PNKD: variants seen among roughly 807,000 people sequenced by gnomAD.
PNKD encodes PNKD metallo-beta-lactamase domain containing.
In PNKD, 36 loss-of-function variants were observed where a neutral mutation model predicts 45.3. The ratio of observed to expected loss-of-function variants is 0.80; its 90% CI spans 0.61 to 1.05. PNKD has a LOEUF of 1.05. Ranked by LOEUF, PNKD falls within the 50% of genes least tolerant of loss-of-function variation. The probability of loss-of-function intolerance (pLI) is 0.00; values close to 1 mark genes in which losing one functional copy is unlikely to be tolerated. For missense variants in PNKD, 511 were observed against 506.6 expected, an observed-to-expected ratio of 1.01 and a Z score of -0.08; for synonymous variants, 197 against 210.1, an observed-to-expected ratio of 0.94 and a Z score of 0.54.
chr2:218,279,026 GCA>G (rs1691568431), intron 2 of PNKD: 5 of 1,614,062 alleles, frequency 3.1e-6, no homozygotes, highest in South Asian at 1.1e-5. Flanking sequence ...CCACAGAGGA[GCA>G]CACACTCACT....
chr2:218,286,932 C>G (rs568976379), intron 2 of PNKD: 19 of 152,218 alleles, frequency 1.2e-4, no homozygotes, highest in Admixed American at 9.8e-4. Context: ...CCAGATCTGA[C>G]GATTTGTTCC....
rs1694434562 is a variant in PNKD, at chr2:218,334,572, G to A, written c.237-5211G>A. 1.0e-5 allele frequency: 6 copies of A among 601,924 alleles called. No individual in the cohort carries two copies. The South Asian group carries it at 1.0e-4, about 10-fold the overall frequency. The allele number at this position is 601,924 out of a possible 1,614,324, so 37.3% of individuals were successfully genotyped here. A position where few individuals can be genotyped will look rare whatever the true frequency, so the allele number is the denominator to read the frequency against. On this transcript the variant is annotated intron_variant, in intron 2 of 9. Transcript: ENST00000273077. Reference sequence around the variant, plus strand: ...GGAGGCTGAGGCGGGAGGATCGCTTGAGCCCAGGACATTAAGGCTGCAGTG... The same window carrying A: ...GGAGGCTGAGGCGGGAGGATCGCTTAAGCCCAGGACATTAAGGCTGCAGTG...
chr2:218,283,246 C>A (rs1228279519), intron 2 of PNKD, among the ~76,000 whole-genome samples: 1 of 152,216 alleles, frequency 6.6e-6, no homozygotes, highest in Non-Finnish European at 1.5e-5. Context: ...ATGCTCACTT[C>A]AGATGAGAGA....
At chr2:218,308,477 G>A (rs989649114) in intron 2 of PNKD, among the ~76,000 whole-genome samples, 2 of 151,870 alleles carry the variant, frequency 1.3e-5, no homozygotes, top group South Asian at 2.1e-4. Flanking sequence ...ACGAGCCACC[G>A]TGCCCAGCCT....
chr2:218,341,700 T>C, intron 6 of PNKD, 74 bp downstream of exon 6: 1 of 1,159,712 alleles, frequency 8.6e-7, no homozygotes. Context: ...CAGTGAAGTG[T>C]TTCAGGGGTA....
intron 2 of PNKD, among the ~76,000 whole-genome samples, chr2:218,273,488 T>G (rs1690945352): frequency 6.7e-6 from 1 of 149,876 alleles, no homozygotes; most frequent in Non-Finnish European, 1.5e-5. Context: ...TATTTTTTTT[T>G]TTTTTTTTTG....
At chr2:218,278,049 G>A in intron 2 of PNKD, 1 of 1,556,898 alleles carries the variant, frequency 6.4e-7, no homozygotes, top group Admixed American at 1.8e-5. Context: ...GCAGAAGGAA[G>A]CGCTTGGCTC....
In PNKD at chr2:218,343,553, C is replaced by T. The variant is rs149643391; in HGVS notation, c.835C>T (p.Leu279=). The T allele has an allele frequency of 1.3e-4, 209 of 1,613,570 alleles. No individual in the cohort carries two copies. The African/African-American group carries it at 2.4e-3, about 18-fold the overall frequency. The change falls in exon 8 of 10, where the codon CTG becomes TTG. Residue 279 remains leucine, a synonymous_variant. Transcript: ENST00000273077. ...CATGCTGAGCTCACTGGACACTGTGCTGGGGCTAGGGGATGACACCCTTCT... is the reference window on the plus strand; with the variant it reads ...CATGCTGAGCTCACTGGACACTGTGTTGGGGCTAGGGGATGACACCCTTCT... ...ETMLSSLDTV[L]GLGDDTLLWP...
chr2:218,314,053 C>G (rs1255613248), intron 2 of PNKD, among the ~76,000 whole-genome samples: 1 of 151,514 alleles, frequency 6.6e-6, no homozygotes, highest in East Asian at 1.9e-4. Flanking sequence ...TCCTGAGTTG[C>G]TGGGATTACA....
At position 218,270,598 on chromosome 2, in the gene PNKD, C is replaced by G; in HGVS notation, c.63C>G (p.Leu21=). 3 of 1,048,288 alleles carry G rather than the reference C, an allele frequency of 2.9e-6. No homozygotes were observed. The highest frequency in any genetic ancestry group is 3.8e-6 in the Non-Finnish European group (3 of 793,390). The allele number at this position is 1,048,288 out of a possible 1,614,324, so 64.9% of individuals were successfully genotyped here. The part of the protein sequence containing the change: ...KGRGARNARV[L]RGILAGATAN... ...GGGGGGCGAGAAATGCCCGCGTCCTCCGGGGTAAGGAGAGGGACCCCGGGG... is the reference window on the plus strand; with the variant it reads ...GGGGGGCGAGAAATGCCCGCGTCCTGCGGGGTAAGGAGAGGGACCCCGGGG... Residue 21 remains leucine, a synonymous_variant, in exon 1 of 10, where the codon CTC becomes CTG. Transcript: ENST00000273077.
intron 2 of PNKD, among the ~76,000 whole-genome samples, chr2:218,335,515 A>G (rs1694463615): frequency 6.6e-6 from 1 of 151,990 alleles, no homozygotes; most frequent in South Asian, 2.1e-4. Context: ...TGTCTGTCCT[A>G]CTAGATAGAA....
intron 2 of PNKD, chr2:218,280,396 G>C (rs994838083): frequency 4.8e-5 from 19 of 399,008 alleles, no homozygotes; most frequent in Non-Finnish European, 6.1e-5. Context: ...GGTTCACTGG[G>C]GGGTCACGAT....
At chr2:218,280,150 C>T (rs369721003) in intron 2 of PNKD, 5 of 1,563,012 alleles carry the variant, frequency 3.2e-6, no homozygotes, top group African/African-American at 1.3e-5. Flanking sequence ...ACACTTGACT[C>T]AGCTGGGGAC....
At position 218,346,239 on chromosome 2, in the gene PNKD, C is replaced by T. The variant is rs1574725243; in HGVS notation, c.*1258C>T. ...TCAGGCAGGTGTACCTTGAGTCAGC[C>T]AGGAGCCCTCTTTTCCTGTGTCAAA... On this transcript the variant is annotated 3_prime_UTR_variant, in exon 10 of 10. Transcript: ENST00000273077. 6.5e-6 allele frequency: 1 copy of T among 152,750 alleles called. No homozygotes were observed. The highest frequency in any genetic ancestry group is 6.5e-5 in the Admixed American group (1 of 15,276). The allele number at this position is 152,750 out of a possible 1,614,324, so 9.5% of individuals were successfully genotyped here.
rs1437287362 is a variant in PNKD at position 218,339,894 on chromosome 2, C to G, written c.348C>G (p.Phe116Leu). The part of the protein sequence containing the change: ...KGHSKTQPRL[F>L]NGVKVLPIPV... ...ACTCGAAAACCCAGCCCCGCCTCTT[C>G]AATGGTGAGCTCTGACTGCCCCGGC... The change falls in exon 3 of 10, where the codon TTC (phenylalanine) becomes TTG (leucine). Residue 116 changes from phenylalanine to leucine, a missense_variant. Transcript: ENST00000273077. 3.1e-6 allele frequency: 5 copies of G among 1,604,324 alleles called. No homozygotes were observed. The highest frequency in any genetic ancestry group is 1.1e-5 in the South Asian group (1 of 90,460).
At chr2:218,277,416 T>G in intron 2 of PNKD, 2 of 1,614,130 alleles carry the variant, frequency 1.2e-6, no homozygotes, top group Non-Finnish European at 8.5e-7. Context: ...ACCGCAGTGA[T>G]GATCATTGCA....
intron 2 of PNKD, chr2:218,275,206 A>T (rs1418270889): frequency 2.8e-6 from 1 of 353,606 alleles, no homozygotes; most frequent in African/African-American, 2.1e-5. Flanking sequence ...ATGTGGTGTC[A>T]TACAGTAGGT....
chr2:218,319,444 C>T (rs13399246), intron 2 of PNKD, among the ~76,000 whole-genome samples: 85,484 of 143,654 alleles, frequency 0.6, 25,650 homozygotes, highest in South Asian at 0.68. Context: ...GGCATGATCT[C>T]GGCTCACTGC....
intron 2 of PNKD, among the ~76,000 whole-genome samples, chr2:218,293,778 TG>T (rs1234863074): frequency 3.5e-5 from 3 of 85,654 alleles, no homozygotes; most frequent in East Asian, 3.3e-4. Flanking sequence ...TTGTTTTGTT[TG>T]GTTTGTTTGT....
Sources: allele counts gnomAD v4.1 joint callset (sites outside exome capture counted in the v4.1 genomes callset), GRCh38; gene constraint gnomAD v4.1.1; transcripts MANE v1.5; gene names NCBI Gene and HGNC (gene_info 2026-07-23, HGNC 2026-07-21).